Variants in HMCN2 observed in about 807,000 individuals in gnomAD.
HMCN2 encodes the protein hemicentin 2.
HMCN2 carries 325 observed loss-of-function variants against 377.5 expected under a neutral mutation model. That is an observed-to-expected ratio of 0.86 (90% confidence interval 0.79 to 0.94). The LOEUF (loss-of-function observed/expected upper bound fraction) is 0.94, where lower values mean the gene tolerates loss of function less well. Ranked by LOEUF, HMCN2 falls within the 40% of genes least tolerant of loss-of-function variation. The pLI, the probability that HMCN2 is intolerant of heterozygous loss-of-function variation, is 0.00. For missense variants in HMCN2, 4,543 were observed against 4,725.3 expected (o/e 0.96, Z 1.13); for synonymous variants, 2,007 against 2,046.8 (o/e 0.98, Z 0.53).
rs945729709 is a variant in HMCN2 at position 130,351,413 on chromosome 9, G to A, written c.4431-10G>A. On this transcript the variant is annotated splice_polypyrimidine_tract_variant and intron_variant, in intron 29 of 97. Transcript: ENST00000683500. The surrounding 1 kb of genome is among the most constrained non-coding windows in gnomAD (Gnocchi z 5.4). Reference sequence around the variant, plus strand: ...CCTTACTGGCGCTTTTCCCTTGCCCGTCTCTCCAGGCCTGTCCTTCCGGGA... The same window carrying A: ...CCTTACTGGCGCTTTTCCCTTGCCCATCTCTCCAGGCCTGTCCTTCCGGGA... 1.5e-5 allele frequency: 19 copies of A among 1,296,160 alleles called. 1 individual carries two copies. In the East Asian group the frequency reaches 2.3e-4, roughly 15 times the overall value. 80.3% of individuals were successfully genotyped at this position (1,296,160 alleles called of 1,614,324 possible).
At chr9:130,371,265 C>G in intron 46 of HMCN2, 134 bp downstream of exon 46, 2 of 370,058 alleles carry the variant, frequency 5.4e-6, no homozygotes, top group Non-Finnish European at 7.5e-6. Context: ...GCTGCTGGTC[C>G]CCAAAGAATG....
rs749071716 is a variant in HMCN2, at chr9:130,397,577, C to G, written c.11248C>G (p.Gln3750Glu). The part of the protein sequence containing the change: ...GSLRIQPVLA[Q>E]DAGHYLCLAS... ...CCTGAGAATCCAGCCAGTCCTTGCC[C>G]AGGACGCCGGCCACTACCTCTGCCT... Residue 3750 changes from glutamine (Q) to glutamate (E), a missense_variant, in exon 74 of 98, where the codon CAG (glutamine) becomes GAG (glutamate). Gln to Glu is a conservative substitution (Grantham distance 29). This residue lies in a region of HMCN2 where 1,073 missense variants were observed against 1,319.5 expected (regional missense o/e 0.81). Coordinates refer to ENST00000683500, the MANE Select transcript of HMCN2 (RefSeq NM_001291815.2). 2 of 1,289,800 alleles carry G rather than the reference C, an allele frequency of 1.6e-6. No individual in the cohort carries two copies. The highest frequency in any genetic ancestry group is 2.0e-6 in the Non-Finnish European group (2 of 988,866). 79.9% of individuals were successfully genotyped at this position (1,289,800 alleles called of 1,614,324 possible).
rs145442817 is a variant in HMCN2, at chr9:130,386,546, C to T, written c.9391+22C>T. On this transcript the variant is annotated intron_variant, in intron 61 of 97. Coordinates refer to ENST00000683500, the MANE Select transcript of HMCN2 (RefSeq NM_001291815.2). ...CAGGGTAAGCCAGGGACCAGCCTAGCCAACGTGACTGTGGAGCCCCTAGCA... is the reference window on the plus strand; with the variant it reads ...CAGGGTAAGCCAGGGACCAGCCTAGTCAACGTGACTGTGGAGCCCCTAGCA... 2,468 of 1,295,174 alleles carry T rather than the reference C, an allele frequency of 1.9e-3. 40 individuals are homozygous for T. In the African/African-American group the frequency reaches 0.032, roughly 17 times the overall value. 80.2% of individuals were successfully genotyped at this position (1,295,174 alleles called of 1,614,324 possible). A position where few individuals can be genotyped will look rare whatever the true frequency, so the allele number is the denominator to read the frequency against.
At chr9:130,385,292 GA>G (rs1459616962) in intron 59 of HMCN2, among the ~76,000 whole-genome samples, 2 of 152,114 alleles carry the variant, frequency 1.3e-5, no homozygotes, top group Non-Finnish European at 2.9e-5. Flanking sequence ...GCCCCTGTAG[GA>G]AAAAGCCTGG....
rs554164495 is a variant in HMCN2, at chr9:130,399,599, G to A, written c.11572G>A (p.Glu3858Lys). 9.6e-5 allele frequency: 124 copies of A among 1,289,796 alleles called. No individual in the cohort carries two copies. Among genetic ancestry groups the A allele is most frequent in the African/African-American group, 1.2e-4 (8 of 66,010 alleles). The allele number at this position is 1,289,796 out of a possible 1,614,324, so 79.9% of individuals were successfully genotyped here. A position where few individuals can be genotyped will look rare whatever the true frequency, so the allele number is the denominator to read the frequency against. Residue 3858 changes from glutamate (E) to lysine (K), a missense_variant, in exon 76 of 98, where the codon GAG becomes AAG. Transcript: ENST00000683500. ...ATGCGTGGTGAGCAATGAGGTGGGC[G>A]AGGCCCACAGGCTCTACCAGGTGAC... ...FECVVSNEVG[E>K]AHRLYQVTVH...
At position 130,295,903 on chromosome 9, in the gene HMCN2, T is replaced by C. The variant is rs1588191712; in HGVS notation, c.891+131T>C. 1.3e-5 allele frequency: 5 copies of C among 376,884 alleles called. No individual in the cohort carries two copies. The East Asian group carries it at 3.7e-4, about 28-fold the overall frequency. 23.3% of individuals were successfully genotyped at this position (376,884 alleles called of 1,614,324 possible). On this transcript the variant is annotated intron_variant, in intron 6 of 97. Transcript: ENST00000683500. Reference sequence around the variant, plus strand: ...TAGAGTGTGGGTGGTGATGTGGTCGTATCAATAGAAGTAACGGGTCAAGGA... The same window carrying C: ...TAGAGTGTGGGTGGTGATGTGGTCGCATCAATAGAAGTAACGGGTCAAGGA...
At chr9:130,366,996 G>C (rs987920970) in intron 43 of HMCN2, among the ~76,000 whole-genome samples, 2 of 152,158 alleles carry the variant, frequency 1.3e-5, no homozygotes, top group South Asian at 4.1e-4. Flanking sequence ...AGGAATGCTC[G>C]ACCAAGCGGA....
intron 46 of HMCN2, 86 bp downstream of exon 46, chr9:130,371,217 ACT>A (rs776993827): frequency 3.0e-5 from 23 of 776,116 alleles, no homozygotes; most frequent in Non-Finnish European, 3.3e-5. Context: ...ATGACCTCTG[ACT>A]CTGAGCTGCC....
At position 130,386,518 on chromosome 9, in the gene HMCN2, G is replaced by T; in HGVS notation, c.9385G>T (p.Val3129Phe). 1 of 1,302,940 alleles carries T rather than the reference G, an allele frequency of 7.7e-7. No homozygotes were observed. Among genetic ancestry groups the T allele is most frequent in the Non-Finnish European group, 1.0e-6 (1 of 988,646 alleles). The allele number at this position is 1,302,940 out of a possible 1,614,324, so 80.7% of individuals were successfully genotyped here. A position where few individuals can be genotyped will look rare whatever the true frequency, so the allele number is the denominator to read the frequency against. The change falls in exon 61 of 98, where the codon GTC (valine) becomes TTC (phenylalanine). Residue 3129 changes from valine (V) to phenylalanine (F), a missense_variant. Transcript: ENST00000683500. ...GGCCGTGCGGACCTTCACCCTCACC[G>T]TCCAGGGTAAGCCAGGGACCAGCCT... Reference protein sequence around the residue: ...GEAVRTFTLTVQVPPTFENPK... With the variant: ...GEAVRTFTLTFQVPPTFENPK...
At chr9:130,306,763 G>A (rs1278282277) in intron 12 of HMCN2, 48 bp from the exon 13 acceptor site, 1 of 444,416 alleles carries the variant, frequency 2.3e-6, no homozygotes, top group Non-Finnish European at 4.8e-6. Flanking sequence ...TGATGATTGT[G>A]GATCAACCCC....
At chr9:130,410,682 G>A (rs767660356) in intron 85 of HMCN2, 30 bp downstream of exon 85, 27 of 1,542,482 alleles carry the variant, frequency 1.8e-5, no homozygotes, top group Middle Eastern at 1.7e-4. Context: ...GAGTGGGGAC[G>A]TGGGAAGTGT....
chr9:130,285,204 C>T lies in HMCN2; in HGVS notation c.377C>T (p.Ala126Val), dbSNP rs1803358720. ...PEMSVGAIKA[A>V]VEVANPGSFI... ...ATGAGTGTGGGGGCCATTAAGGCTG[C>T]CGTGGAGGTTGCCAACCCCGGATCC... The change falls in exon 3 of 98, where the codon GCC (alanine) becomes GTC (valine). Residue 126 changes from alanine to valine, a missense_variant. Coordinates refer to ENST00000683500, the MANE Select transcript of HMCN2 (RefSeq NM_001291815.2). The T allele has an allele frequency of 2.1e-6, 1 of 471,136 alleles. No individual in the cohort carries two copies. Among genetic ancestry groups the T allele is most frequent in the Non-Finnish European group, 4.4e-6 (1 of 227,038 alleles). 29.2% of individuals were successfully genotyped at this position (471,136 alleles called of 1,614,324 possible). A position where few individuals can be genotyped will look rare whatever the true frequency, so the allele number is the denominator to read the frequency against.
In HMCN2 at chr9:130,348,684, C is replaced by T. The variant is rs1381012046; in HGVS notation, c.4155+9C>T. 1 of 1,303,846 alleles carries T rather than the reference C, an allele frequency of 7.7e-7. No homozygotes were observed. Among genetic ancestry groups the T allele is most frequent in the African/African-American group, 1.5e-5 (1 of 65,848 alleles). 80.8% of individuals were successfully genotyped at this position (1,303,846 alleles called of 1,614,324 possible). A position where few individuals can be genotyped will look rare whatever the true frequency, so the allele number is the denominator to read the frequency against. On this transcript the variant is annotated intron_variant, in intron 27 of 97. Coordinates refer to ENST00000683500, the MANE Select transcript of HMCN2 (RefSeq NM_001291815.2). The stretch of plus-strand genomic sequence containing the variant: ...TGAAGGACGCGCAGCTGGTGGGTGT[C>T]CCCCTAGGGTGGGCGGGGTATGGGT...
rs1260267345 is a variant in HMCN2 at position 130,433,663 on chromosome 9, G to T, written c.15210G>T (p.Leu5070Phe). The change falls in exon 98 of 98, where the codon TTG (leucine) becomes TTT (phenylalanine). Residue 5070 changes from leucine to phenylalanine, a missense_variant. Physicochemically the swap from Leu to Phe is conservative, Grantham distance 22. Coordinates refer to ENST00000683500, the MANE Select transcript of HMCN2 (RefSeq NM_001291815.2). ...CGCGCCACCAAAGCGTCTTCGTCTT[G>T]CTCATCGCCGTGTCCCCCTACCCCT... ...AAPRHQSVFVLLIAVSPYPY is the reference protein window; with the variant it reads ...AAPRHQSVFVFLIAVSPYPY 6.6e-7 allele frequency: 1 copy of T among 1,513,256 alleles called. No homozygotes were observed. The highest frequency in any genetic ancestry group is 2.7e-5 in the East Asian group (1 of 36,632). 93.7% of individuals were successfully genotyped at this position (1,513,256 alleles called of 1,614,324 possible).
chr9:130,387,345 G>A (rs1444233053), intron 61 of HMCN2, among the ~76,000 whole-genome samples: 1 of 151,206 alleles, frequency 6.6e-6, no homozygotes, highest in African/African-American at 2.4e-5. Flanking sequence ...AGAGGTGGGT[G>A]TCTAGGCTGG....
In HMCN2 at chr9:130,424,921, G is replaced by C; in HGVS notation, c.13519+8G>C. 1 of 1,463,216 alleles carries C rather than the reference G, an allele frequency of 6.8e-7. No individual in the cohort carries two copies. The allele number at this position is 1,463,216 out of a possible 1,614,324, so 90.6% of individuals were successfully genotyped here. ...ACGTGGAGTTTGCTACAGGTAAACA[G>C]GGCCTCCCCCAGGTGGGCCAGGTAG... On this transcript the variant is annotated splice_region_variant and intron_variant, in intron 88 of 97. Coordinates refer to ENST00000683500, the MANE Select transcript of HMCN2 (RefSeq NM_001291815.2).
rs1192604885 is a variant in HMCN2, at chr9:130,365,923, G to C, written c.6553G>C (p.Glu2185Gln). Residue 2185 changes from glutamate (E) to glutamine (Q), a missense_variant, in exon 43 of 98, where the codon GAG becomes CAG. Physicochemically the swap from Glu to Gln is conservative, Grantham distance 29 (BLOSUM62 2). This residue lies in a region of HMCN2 where 1,032 missense variants were observed against 1,285.1 expected (regional missense o/e 0.80). Coordinates refer to ENST00000683500, the MANE Select transcript of HMCN2 (RefSeq NM_001291815.2). ...LRESHTLTVR[E>Q]GHPTRLSCEC... ...GGAATCCCACACCCTGACTGTGAGA[G>C]AGGGGCACCCTACCAGGCTGTCCTG... 1.0e-6 allele frequency: 1 copy of C among 985,760 alleles called. No individual in the cohort carries two copies. The highest frequency in any genetic ancestry group is 1.2e-6 in the Non-Finnish European group (1 of 829,874). The allele number at this position is 985,760 out of a possible 1,614,324, so 61.1% of individuals were successfully genotyped here.
rs1321925636 is a variant in HMCN2, at chr9:130,355,845, C to T, written c.5246C>T (p.Pro1749Leu). Reference sequence around the variant, plus strand: ...TGCCAGGCCTCAGGCTCCCCAGTACCCACTATCCAGTGAGTCTGGGGTGGT... The same window carrying T: ...TGCCAGGCCTCAGGCTCCCCAGTACTCACTATCCAGTGAGTCTGGGGTGGT... ...LPCQASGSPVPTIQWLQNGRP... is the reference protein window; with the variant it reads ...LPCQASGSPVLTIQWLQNGRP... The change falls in exon 33 of 98, where the codon CCC becomes CTC. Residue 1749 changes from proline to leucine, a missense_variant. By Grantham distance (98) the Pro-to-Leu change is moderately conservative. Transcript: ENST00000683500. The T allele has an allele frequency of 7.7e-7, 1 of 1,301,118 alleles. No homozygotes were observed. Among genetic ancestry groups the T allele is most frequent in the Admixed American group, 2.3e-5 (1 of 43,564 alleles). The allele number at this position is 1,301,118 out of a possible 1,614,324, so 80.6% of individuals were successfully genotyped here. A position where few individuals can be genotyped will look rare whatever the true frequency, so the allele number is the denominator to read the frequency against.
chr9:130,383,200 C>T (rs1421661512), intron 56 of HMCN2, among the ~76,000 whole-genome samples: 1 of 152,134 alleles, frequency 6.6e-6, no homozygotes, highest in Non-Finnish European at 1.5e-5. Context: ...TGAGTCACCC[C>T]ATGTGCAGAC....
Sources: allele counts gnomAD v4.1 joint callset (sites outside exome capture counted in the v4.1 genomes callset), GRCh38; gene constraint gnomAD v4.1.1; regional missense constraint gnomAD v4.1.1; non-coding constraint Gnocchi (gnomAD v3.1); transcripts MANE v1.5; gene names NCBI Gene and HGNC (gene_info 2026-07-23, HGNC 2026-07-21).